Variants in SNX7 observed in about 807,000 individuals in gnomAD.
SNX7 encodes sorting nexin-7.
Under a neutral mutation model 48.4 loss-of-function variants are expected in SNX7, and 35 were observed. The observed-to-expected ratio is 0.72, with a 90% confidence interval of 0.55 to 0.96. The LOEUF is 0.96. Among genes scored for constraint, SNX7 ranks in the 40% least tolerant of loss-of-function variants. The pLI, the probability that SNX7 is intolerant of heterozygous loss-of-function variation, is 0.00. For missense variants in SNX7, 553 were observed against 548.9 expected, an observed-to-expected ratio of 1.01 and a Z score of -0.07; for synonymous variants, 190 against 190.2, an observed-to-expected ratio of 1.00 and a Z score of 0.01.
intron 8 of SNX7, among the ~76,000 whole-genome samples, chr1:98,750,488 G>A (rs980815838): frequency 6.6e-6 from 1 of 151,998 alleles, no homozygotes; most frequent in African/African-American, 2.4e-5. Context: ...TTATGGAAAG[G>A]AATATGTAAA....
chr1:98,729,394 C>T (rs1653365231), intron 7 of SNX7, among the ~76,000 whole-genome samples: 1 of 151,914 alleles, frequency 6.6e-6, no homozygotes, highest in Non-Finnish European at 1.5e-5. Flanking sequence ...AGCAAACAAA[C>T]TCCAGAGGTA....
intron 1 of SNX7, among the ~76,000 whole-genome samples, chr1:98,681,280 C>G (rs1313613237): frequency 6.6e-6 from 1 of 152,134 alleles, no homozygotes; most frequent in Non-Finnish European, 1.5e-5. Context: ...CAGTTTCCTC[C>G]CATGACACAT....
intron 7 of SNX7, among the ~76,000 whole-genome samples, chr1:98,730,731 C>T (rs748094989): frequency 1.3e-5 from 2 of 152,058 alleles, no homozygotes; most frequent in African/African-American, 2.4e-5. Flanking sequence ...AATGCCAAAC[C>T]ATTGCTCAAG....
intron 7 of SNX7, among the ~76,000 whole-genome samples, chr1:98,717,051 C>T (rs1298437890): frequency 6.6e-6 from 1 of 150,780 alleles, no homozygotes; most frequent in African/African-American, 2.4e-5. Context: ...TGTAAATTGC[C>T]ACTGGGAAAT....
At chr1:98,675,448 G>A (rs9660123) in intron 1 of SNX7, among the ~76,000 whole-genome samples, 39,285 of 151,874 alleles carry the variant, frequency 0.26, 5,445 homozygotes, top group South Asian at 0.31. Flanking sequence ...AGATATCGAA[G>A]CATATTTTTA....
chr1:98,738,514 G>C (rs1653910129), intron 8 of SNX7, 125 bp downstream of exon 8: 2 of 899,366 alleles, frequency 2.2e-6, no homozygotes, highest in Non-Finnish European at 3.3e-6. Context: ...CTGGTAGCTT[G>C]GTTTTGATGA....
At chr1:98,720,813 G>A (rs1475209610) in intron 7 of SNX7, among the ~76,000 whole-genome samples, 1 of 152,024 alleles carries the variant, frequency 6.6e-6, no homozygotes, top group Non-Finnish European at 1.5e-5. Context: ...ATTAGGAGCT[G>A]TTTTTTATAT....
At position 98,681,085 on chromosome 1, in the gene SNX7, G is replaced by A. The variant is rs543505366; in HGVS notation, c.181-3800G>A. Among the ~76,000 whole-genome samples, 30 of 152,264 alleles carry A rather than the reference G, an allele frequency of 2.0e-4. No individual in the cohort carries two copies. In the South Asian group the frequency reaches 6.2e-3, roughly 32 times the overall value. ...ATGACTTACAATTCCACGTGGCTGG[G>A]GAAGCATCACAATCATGGTGAAAAG... On this transcript the variant is annotated intron_variant, in intron 1 of 8. Coordinates refer to ENST00000306121, the MANE Select transcript of SNX7 (RefSeq NM_015976.5).
Position 98,661,739 on chromosome 1 carries a change from G to A in SNX7, c.8G>A (p.Gly3Asp). MEGERRASQAPSS... is the reference protein window; with the variant it reads MEDERRASQAPSS... ...TGGGCGCGCACTCTCGGGATGGAGG[G>A]CGAGCGCCGGGCATCGCAGGCGCCC... is the stretch of plus-strand genomic sequence containing the variant. The change falls in exon 1 of 9, where the codon GGC becomes GAC. Residue 3 changes from glycine to aspartate, a missense_variant. Transcript: ENST00000306121. 2.4e-6 allele frequency: 3 copies of A among 1,229,548 alleles called. No individual in the cohort carries two copies. The highest frequency in any genetic ancestry group is 3.1e-6 in the Non-Finnish European group (3 of 982,044). 76.2% of individuals were successfully genotyped at this position (1,229,548 alleles called of 1,614,324 possible). A position where few individuals can be genotyped will look rare whatever the true frequency, so the allele number is the denominator to read the frequency against.
chr1:98,702,887 C>G (rs1238993710), intron 7 of SNX7, among the ~76,000 whole-genome samples: 1 of 152,036 alleles, frequency 6.6e-6, no homozygotes, highest in African/African-American at 2.4e-5. Flanking sequence ...AGTGCACTTA[C>G]ATCAGGTGAG....
chr1:98,700,702 C>G (rs1570538280), intron 6 of SNX7, among the ~76,000 whole-genome samples: 1 of 152,068 alleles, frequency 6.6e-6, no homozygotes, highest in African/African-American at 2.4e-5. Context: ...GTGTGAACTA[C>G]TGTGCCTGGC....
At chr1:98,674,033 T>C (rs1353380488) in intron 1 of SNX7, among the ~76,000 whole-genome samples, 1 of 152,200 alleles carries the variant, frequency 6.6e-6, no homozygotes, top group Non-Finnish European at 1.5e-5. Flanking sequence ...GTTTTATTTA[T>C]TTCAGTGGTA....
chr1:98,686,950 A>C (rs900036825), intron 2 of SNX7, among the ~76,000 whole-genome samples: 4 of 152,130 alleles, frequency 2.6e-5, no homozygotes, highest in African/African-American at 9.7e-5. Context: ...TGTGAGTTTC[A>C]TTCTGATCAT....
intron 7 of SNX7, among the ~76,000 whole-genome samples, chr1:98,709,222 A>G (rs1311201542): frequency 5.9e-5 from 9 of 152,216 alleles, no homozygotes; most frequent in Non-Finnish European, 1.3e-4. Context: ...AAACGATGTT[A>G]AAGGAACTTT....
chr1:98,748,373 T>C (rs914326898), intron 8 of SNX7, among the ~76,000 whole-genome samples: 1 of 152,106 alleles, frequency 6.6e-6, no homozygotes, highest in Non-Finnish European at 1.5e-5. Context: ...CGATTATCTA[T>C]GCAAATAAAG....
chr1:98,669,350 A>G (rs1649717017), intron 1 of SNX7, among the ~76,000 whole-genome samples: 1 of 152,208 alleles, frequency 6.6e-6, no homozygotes, highest in South Asian at 2.1e-4. Context: ...AACTATTGAA[A>G]TAGCCTCATA....
At chr1:98,664,329 A>G (rs886232999) in intron 1 of SNX7, among the ~76,000 whole-genome samples, 1 of 152,126 alleles carries the variant, frequency 6.6e-6, no homozygotes, top group African/African-American at 2.4e-5. Context: ...GGAGTTCACA[A>G]CCAGCCTGGC....
intron 1 of SNX7, among the ~76,000 whole-genome samples, chr1:98,672,060 G>A (rs560345697): frequency 6.6e-6 from 1 of 152,234 alleles, no homozygotes; most frequent in South Asian, 2.1e-4. Flanking sequence ...TGAGAAAAAT[G>A]TGCATGTGTA....
At chr1:98,682,956 GCT>G (rs1183815629) in intron 1 of SNX7, among the ~76,000 whole-genome samples, 1 of 152,070 alleles carries the variant, frequency 6.6e-6, no homozygotes, top group African/African-American at 2.4e-5. Context: ...CAGTTCTTGA[GCT>G]CTGATTTTCA....
Sources: gnomAD v4.1 joint callset for allele counts (sites outside exome capture counted in the v4.1 genomes callset) on GRCh38, gnomAD v4.1.1 for gene constraint, MANE v1.5 for transcripts, NCBI Gene and HGNC (gene_info 2026-07-23, HGNC 2026-07-21) for gene names.